The following RRH variants were observed in gnomAD, a reference collection of about 807,000 sequenced individuals.
The protein encoded by RRH is visual pigment-like receptor peropsin.
RRH carries 36 observed loss-of-function variants against 33.1 expected under a neutral mutation model. The ratio of observed to expected loss-of-function variants is 1.09; its 90% CI spans 0.83 to 1.44. The LOEUF (loss-of-function observed/expected upper bound fraction) is 1.44. Ranked by LOEUF, RRH falls within the 40% of genes most tolerant of loss-of-function variation. The probability of loss-of-function intolerance (pLI) is 0.00; values close to 1 mark genes in which losing one functional copy is unlikely to be tolerated. For synonymous variants in RRH, 124 were observed against 140.2 expected (o/e 0.88, Z 0.82); for missense variants, 393 against 420.2 (o/e 0.94, Z 0.57).
intron 3 of RRH, 125 bp from the exon 4 acceptor site, chr4:109,835,882 G>A (rs1733871544): frequency 9.0e-7 from 1 of 1,106,312 alleles, no homozygotes; most frequent in East Asian, 2.4e-5. Flanking sequence ...TCATGTTTTG[G>A]CTCCTAAGGC....
intron 2 of RRH, 84 bp from the exon 3 acceptor site, chr4:109,835,282 G>T: frequency 1.2e-6 from 1 of 849,898 alleles, no homozygotes; most frequent in Non-Finnish European, 2.0e-6. Context: ...GTATATTTGA[G>T]ATATATTCTA....
rs751964437 is a variant in RRH at position 109,835,384 on chromosome 4, A to AT, written c.324dup (p.Gly109TrpfsTer23). ...TTTTCAGGTTTATGCTGGATTGAAT[A>AT]TTTTTTTTGGAATGGCAAGCATTGG... On this transcript the variant is annotated frameshift_variant, in exon 3 of 7. Transcript: ENST00000317735. LOFTEE classifies it high-confidence loss of function. 1.3e-5 allele frequency: 21 copies of AT among 1,610,626 alleles called. No individual in the cohort carries two copies. The highest frequency in any genetic ancestry group is 1.7e-5 in the Admixed American group (1 of 59,954).
intron 1 of RRH, among the ~76,000 whole-genome samples, chr4:109,829,480 G>A (rs1733705518): frequency 6.6e-6 from 1 of 150,554 alleles, no homozygotes. Flanking sequence ...TACAAAATTA[G>A]CATGCAGAAA....
chr4:109,831,115 C>T (rs1051679031), intron 1 of RRH, among the ~76,000 whole-genome samples: 1 of 152,160 alleles, frequency 6.6e-6, no homozygotes, highest in African/African-American at 2.4e-5. Context: ...TTCTAAGACT[C>T]CCAGAATTAT....
intron 5 of RRH, 47 bp downstream of exon 5, chr4:109,837,652 C>G (rs1392278024): frequency 1.3e-6 from 2 of 1,497,444 alleles, no homozygotes; most frequent in South Asian, 1.2e-5. Flanking sequence ...GAGCTTTTAC[C>G]CACTCATAGT....
intron 5 of RRH, among the ~76,000 whole-genome samples, chr4:109,840,808 C>G (rs1381853988): frequency 6.6e-6 from 1 of 151,552 alleles, no homozygotes; most frequent in Non-Finnish European, 1.5e-5. Context: ...GTGATTGTCC[C>G]TTCATACTTA....
At position 109,842,504 on chromosome 4, in the gene RRH, A is replaced by C. The variant is rs1734002837; in HGVS notation, c.756A>C (p.Ala252=). The part of the protein sequence containing the change: ...SVIMICMFLV[A]WSPYSIVCLW... ...TCATGATCTGCATGTTTCTGGTGGC[A>C]TGGTCCCCTTATTCCATCGTGTGCT... Residue 252 remains alanine (A), a synonymous_variant, in exon 6 of 7, where the codon GCA becomes GCC. Transcript: ENST00000317735. 6.2e-7 allele frequency: 1 copy of C among 1,613,898 alleles called. No individual in the cohort carries two copies.
At chr4:109,837,926 C>T (rs1387668325) in intron 5 of RRH, among the ~76,000 whole-genome samples, 1 of 152,194 alleles carries the variant, frequency 6.6e-6, no homozygotes, top group African/African-American at 2.4e-5. Context: ...CAGGCACCTG[C>T]TGCCACACTT....
chr4:109,842,441 G>A (rs1227943875), intron 5 of RRH, 28 bp from the exon 6 acceptor site: 3 of 1,603,544 alleles, frequency 1.9e-6, no homozygotes, highest in African/African-American at 2.7e-5. Flanking sequence ...TTAGGTATTG[G>A]GCTTGGTGAA....
chr4:109,844,216 A>G lies in RRH; in HGVS notation c.*19A>G, dbSNP rs7657133. ...AATCTGAAATAAGATAAAAGGACAC[A>G]CTATCAAAACACTTTAGTTTTTTGA... On this transcript the variant is annotated 3_prime_UTR_variant, in exon 7 of 7. Transcript: ENST00000317735. 0.82 allele frequency: 1,204,815 copies of G among 1,465,540 alleles called. 501,588 individuals carry two copies. The highest frequency in any genetic ancestry group is 0.87 in the Non-Finnish European group (904,293 of 1,045,302). 90.8% of individuals were successfully genotyped at this position (1,465,540 alleles called of 1,614,324 possible).
intron 5 of RRH, among the ~76,000 whole-genome samples, chr4:109,840,738 A>G (rs1579364543): frequency 7.0e-6 from 1 of 141,886 alleles, no homozygotes; most frequent in Admixed American, 6.9e-5. Context: ...GAGTTCTTGC[A>G]CTGTTTTTTT....
intron 5 of RRH, among the ~76,000 whole-genome samples, chr4:109,839,759 G>T (rs1286185146): frequency 6.6e-6 from 1 of 152,282 alleles, no homozygotes; most frequent in East Asian, 1.9e-4. Flanking sequence ...ATGGCCTCCA[G>T]CTCCATCGAT....
In RRH at chr4:109,844,317, T is replaced by A. The variant is rs1047518672; in HGVS notation, c.*120T>A. 1 of 696,190 alleles carries A rather than the reference T, an allele frequency of 1.4e-6. No homozygotes were observed. Among genetic ancestry groups the A allele is most frequent in the African/African-American group, 1.8e-5 (1 of 56,604 alleles). 43.1% of individuals were successfully genotyped at this position (696,190 alleles called of 1,614,324 possible). A position where few individuals can be genotyped will look rare whatever the true frequency, so the allele number is the denominator to read the frequency against. On this transcript the variant is annotated 3_prime_UTR_variant, in exon 7 of 7. Transcript: ENST00000317735. Reference sequence around the variant, plus strand: ...ATCATTGTCCTATGAGAGTGTAAGCTCCTCAAGCACAGCTCGTGCTTCTGT... The same window carrying A: ...ATCATTGTCCTATGAGAGTGTAAGCACCTCAAGCACAGCTCGTGCTTCTGT...
At position 109,828,118 on chromosome 4, in the gene RRH, T is replaced by G; in HGVS notation, c.91T>G (p.Tyr31Asp). 6.2e-7 allele frequency: 1 copy of G among 1,607,732 alleles called. No individual in the cohort carries two copies. Among genetic ancestry groups the G allele is most frequent in the Non-Finnish European group, 8.5e-7 (1 of 1,174,380 alleles). The change falls in exon 1 of 7, where the codon TAC (tyrosine) becomes GAC (aspartate). Residue 31 changes from tyrosine to aspartate, a missense_variant. By Grantham distance (160) the Tyr-to-Asp change is radical. Coordinates refer to ENST00000317735, the MANE Select transcript of RRH (RefSeq NM_006583.5). ...GACTGAACACAATATTGTTGCAACT[T>G]ACTTGATTATGGCAGGTATGGATAT... ...SQTEHNIVAT[Y>D]LIMAGMISII... is the part of the protein sequence containing the mutation.
intron 5 of RRH, among the ~76,000 whole-genome samples, chr4:109,842,040 G>A (rs1733994334): frequency 6.6e-6 from 1 of 152,072 alleles, no homozygotes; most frequent in East Asian, 1.9e-4. Context: ...AATTTAGCAG[G>A]TAATCCCAGT....
chr4:109,828,702 A>G (rs1164944736), intron 1 of RRH, among the ~76,000 whole-genome samples: 2 of 152,056 alleles, frequency 1.3e-5, no homozygotes, highest in Non-Finnish European at 1.5e-5. Flanking sequence ...CAGAATGCTT[A>G]TTGGAAAACT....
chr4:109,835,343 G>A (rs906306188), intron 2 of RRH, 23 bp from the exon 3 acceptor site: 18 of 1,516,520 alleles, frequency 1.2e-5, no homozygotes, highest in Non-Finnish European at 1.5e-5. Context: ...GAATGGTAGA[G>A]TCTTTTCAAT....
At chr4:109,839,730 C>G (rs1579364032) in intron 5 of RRH, among the ~76,000 whole-genome samples, 1 of 152,148 alleles carries the variant, frequency 6.6e-6, no homozygotes. Flanking sequence ...TCTGTTCCTG[C>G]ATTAGTTTGC....
intron 5 of RRH, among the ~76,000 whole-genome samples, chr4:109,839,967 C>T (rs1733956164): frequency 6.6e-6 from 1 of 152,068 alleles, no homozygotes; most frequent in Non-Finnish European, 1.5e-5. Flanking sequence ...GATTTATATT[C>T]CTTTGGGTAT....
Sources: allele counts gnomAD v4.1 joint callset (sites outside exome capture counted in the v4.1 genomes callset), GRCh38; gene constraint gnomAD v4.1.1; transcripts MANE v1.5; gene names NCBI Gene and HGNC (gene_info 2026-07-23, HGNC 2026-07-21).